Variants in PALM2AKAP2 observed in about 807,000 individuals in gnomAD.
The protein encoded by PALM2AKAP2 is PALM2-AKAP2 fusion protein.
In PALM2AKAP2, 37 loss-of-function variants were observed where a neutral mutation model predicts 71.5. The ratio of observed to expected loss-of-function variants is 0.52; its 90% CI spans 0.40 to 0.68. The LOEUF (loss-of-function observed/expected upper bound fraction) is 0.68. Ranked by LOEUF, PALM2AKAP2 falls within the 30% of genes least tolerant of loss-of-function variation. The pLI, the probability that PALM2AKAP2 is intolerant of heterozygous loss-of-function variation, is 0.00. For synonymous variants in PALM2AKAP2, 468 were observed against 478.8 expected (o/e 0.98, Z 0.29); for missense variants, 1,224 against 1,191.8 (o/e 1.03, Z -0.40).
chr9:109,667,850 T>C (rs977917556), intron 1 of PALM2AKAP2, among the ~76,000 whole-genome samples: 8 of 151,744 alleles, frequency 5.3e-5, no homozygotes, highest in Non-Finnish European at 1.0e-4. Flanking sequence ...TAGCTCAGGA[T>C]AGGTTAGTTG....
chr9:109,757,148 C>CT (rs1828976348), intron 1 of PALM2AKAP2, among the ~76,000 whole-genome samples: 1 of 152,104 alleles, frequency 6.6e-6, no homozygotes, highest in Non-Finnish European at 1.5e-5. Context: ...CTTCTAGTAA[C>CT]CATCATTCTA....
At chr9:109,792,515 A>T (rs1413856448) in intron 1 of PALM2AKAP2, among the ~76,000 whole-genome samples, 2 of 152,184 alleles carry the variant, frequency 1.3e-5, no homozygotes, top group Non-Finnish European at 2.9e-5. Flanking sequence ...GCAACAGAAC[A>T]GTTCCATCAC....
At chr9:110,028,444 G>T (rs894755126) in intron 7 of PALM2AKAP2, among the ~76,000 whole-genome samples, 1 of 152,170 alleles carries the variant, frequency 6.6e-6, no homozygotes, top group Non-Finnish European at 1.5e-5. Context: ...GCTGAGTACT[G>T]TGCTACACAT....
At chr9:109,912,483 A>G (rs1830591885) in intron 3 of PALM2AKAP2, among the ~76,000 whole-genome samples, 2 of 152,236 alleles carry the variant, frequency 1.3e-5, no homozygotes, top group Admixed American at 6.5e-5. Context: ...AGACTCATCT[A>G]AATAAAAGGA....
chr9:110,168,480 G>A (rs200842122), exon 4 of PALM2AKAP2: 38 of 1,614,170 alleles, frequency 2.4e-5, no homozygotes, highest in Non-Finnish European at 2.9e-5. Flanking sequence ...CAACCAGGAG[G>A]AAGAAGACAA....
intron 3 of PALM2AKAP2, among the ~76,000 whole-genome samples, chr9:109,907,931 G>A (rs570954980): frequency 2.6e-5 from 4 of 152,286 alleles, no homozygotes; most frequent in Admixed American, 1.3e-4. Flanking sequence ...CAATTAAGTC[G>A]TCATCTCTAC....
At chr9:110,145,271 C>T (rs1836135783) in intron 2 of PALM2AKAP2, among the ~76,000 whole-genome samples, 1 of 152,180 alleles carries the variant, frequency 6.6e-6, no homozygotes, top group African/African-American at 2.4e-5. Context: ...CCCCAAATTA[C>T]AGTAGGCAAA....
chr9:109,733,291 A>G (rs1228630873), intron 1 of PALM2AKAP2, among the ~76,000 whole-genome samples: 1 of 152,170 alleles, frequency 6.6e-6, no homozygotes, highest in East Asian at 1.9e-4. Context: ...ACAAAAGAAC[A>G]TTTGTTAGAT....
At chr9:109,681,025 G>A (rs1418749242) in intron 1 of PALM2AKAP2, among the ~76,000 whole-genome samples, 1 of 152,226 alleles carries the variant, frequency 6.6e-6, no homozygotes, top group African/African-American at 2.4e-5. Context: ...ATTTTTCAAT[G>A]TAAAGTTATC....
intron 1 of PALM2AKAP2, among the ~76,000 whole-genome samples, chr9:109,817,486 G>T (rs1827883643): frequency 6.6e-6 from 1 of 152,086 alleles, no homozygotes; most frequent in Non-Finnish European, 1.5e-5. Context: ...AGATTTTTTT[G>T]ATCTGAAAAA....
intron 6 of PALM2AKAP2, among the ~76,000 whole-genome samples, chr9:110,011,448 G>A (rs1292781720): frequency 2.6e-5 from 4 of 151,988 alleles, no homozygotes; most frequent in African/African-American, 7.3e-5. Flanking sequence ...ACTCTTCTCC[G>A]GAACTCAAAC....
At position 110,114,947 on chromosome 9, in the gene PALM2AKAP2, C is replaced by T. The variant is rs1009530594; in HGVS notation, c.157-21180C>T. On this transcript the variant is annotated intron_variant, in intron 1 of 3. Coordinates refer to ENST00000374525, the Ensembl canonical transcript of PALM2AKAP2. ...GTTTCGTTTGCATTAAGAGAAGGAG[C>T]ACATTTCTTTGCACAAAGTAAAATA... Among the ~76,000 whole-genome samples the T allele has an allele frequency of 7.2e-5, 11 of 152,160 alleles. No individual in the cohort carries two copies. In the South Asian group the frequency reaches 8.3e-4, roughly 11 times the overall value.
At position 110,139,435 on chromosome 9, in the gene PALM2AKAP2, G is replaced by A. The variant is rs555449082; in HGVS notation, c.2569+896G>A. Among the ~76,000 whole-genome samples the A allele has an allele frequency of 1.4e-4, 22 of 152,326 alleles. No individual in the cohort carries two copies. The South Asian group carries it at 4.6e-3, about 32-fold the overall frequency. On this transcript the variant is annotated intron_variant, in intron 2 of 3. Coordinates refer to ENST00000374525, the Ensembl canonical transcript of PALM2AKAP2. ...TTGCTACTGGTTCATTCTAAGTTCAGACATCGAGAGTAAGCATTTGAAAAC... is the reference window on the plus strand; with the variant it reads ...TTGCTACTGGTTCATTCTAAGTTCAAACATCGAGAGTAAGCATTTGAAAAC...
chr9:109,954,658 T>TAAAAAAAAA (rs56743395), intron 6 of PALM2AKAP2, among the ~76,000 whole-genome samples: 12 of 107,894 alleles, frequency 1.1e-4, no homozygotes, highest in African/African-American at 2.8e-4. Context: ...TAAAGTATAA[T>TAAAAAAAAA]AAAAAAAAAA....
At chr9:110,095,683 T>C (rs1834819702) in intron 1 of PALM2AKAP2, among the ~76,000 whole-genome samples, 1 of 152,186 alleles carries the variant, frequency 6.6e-6, no homozygotes, top group Non-Finnish European at 1.5e-5. Flanking sequence ...CAGGAAAATA[T>C]ATTGCATTAA....
intron 1 of PALM2AKAP2, among the ~76,000 whole-genome samples, chr9:109,738,169 T>G (rs1564130189): frequency 6.6e-6 from 1 of 152,216 alleles, no homozygotes; most frequent in Non-Finnish European, 1.5e-5. Flanking sequence ...TCCCTCACAG[T>G]ATATCTGGGA....
chr9:109,952,672 A>C lies in PALM2AKAP2; in HGVS notation c.496+20644A>C, dbSNP rs564653429. ...ATTTAGTGCAGTTGTTTGTGGAGCT[A>C]TGTTTTGTCAGATTCATCTTACACA... On this transcript the variant is annotated intron_variant, in intron 6 of 9. Transcript: ENST00000302798. 1.2e-4 allele frequency among the ~76,000 whole-genome samples: 19 copies of C among 152,326 alleles called. No homozygotes were observed. In the South Asian group the frequency reaches 3.9e-3, roughly 32 times the overall value.
chr9:110,027,449 T>C (rs994786799), intron 7 of PALM2AKAP2, among the ~76,000 whole-genome samples: 2 of 152,164 alleles, frequency 1.3e-5, no homozygotes, highest in African/African-American at 4.8e-5. Context: ...AAACTAAGTG[T>C]TTGCAAAAAA....
intron 6 of PALM2AKAP2, among the ~76,000 whole-genome samples, chr9:109,986,171 C>T (rs1168819418): frequency 2.0e-5 from 3 of 152,158 alleles, no homozygotes; most frequent in Admixed American, 6.5e-5. Context: ...CTTGAGTCAA[C>T]GTTTGAGAAA....
Sources: gnomAD v4.1 joint callset for allele counts (sites outside exome capture counted in the v4.1 genomes callset) on GRCh38, gnomAD v4.1.1 for gene constraint, MANE v1.5 for transcripts, NCBI Gene and HGNC (gene_info 2026-07-23, HGNC 2026-07-21) for gene names.